The following CHN2 variants were observed in gnomAD, a reference collection of about 807,000 sequenced individuals.
The protein encoded by CHN2 is chimerin 2, also known as beta-chimaerin.
A neutral mutation model predicts 56.3 loss-of-function variants in CHN2; 35 were observed. The ratio of observed to expected loss-of-function variants is 0.62; its 90% CI spans 0.47 to 0.82. CHN2 has a LOEUF of 0.82. Among genes scored for constraint, CHN2 ranks in the 40% least tolerant of loss-of-function variants. The probability of loss-of-function intolerance (pLI) is 0.00; values close to 1 mark genes in which losing one functional copy is unlikely to be tolerated. For missense variants in CHN2, 491 were observed against 580.5 expected (o/e 0.85, Z 1.58); for synonymous variants, 210 against 212.8 (o/e 0.99, Z 0.12).
At position 29,504,809 on chromosome 7, in the gene CHN2, G is replaced by T. The variant is rs371808229; in HGVS notation, c.979G>T (p.Ala327Ser). ...FTEHIEDVKM[A>S]FDRDGEKADI... ...TGAACACATTGAAGATGTCAAAATG[G>T]CATTTGACAGAGGTAAGCTTGTACT... is the stretch of plus-strand genomic sequence containing the variant. The change falls in exon 10 of 13, where the codon GCA becomes TCA. Residue 327 changes from alanine (A) to serine (S), a missense_variant. Ala to Ser is a moderately conservative substitution (Grantham distance 99, BLOSUM62 1). Transcript: ENST00000222792. 7 of 1,611,566 alleles carry T rather than the reference G, an allele frequency of 4.3e-6. No homozygotes were observed. The African/African-American group carries it at 8.0e-5, about 18-fold the overall frequency.
intron 1 of CHN2, among the ~76,000 whole-genome samples, chr7:29,284,328 C>T (rs1331946975): frequency 6.6e-6 from 1 of 152,146 alleles, no homozygotes; most frequent in African/African-American, 2.4e-5. Context: ...CTCCTAACCT[C>T]AGGTGATCTG....
Position 29,480,179 on chromosome 7 carries a change from C to A in CHN2, c.577-100C>A, listed in dbSNP as rs899190946. The A allele has an allele frequency of 4.4e-6, 7 of 1,607,132 alleles. No homozygotes were observed. In the Admixed American group the frequency reaches 1.2e-4, roughly 27 times the overall value. On this transcript the variant is annotated intron_variant, in intron 6 of 12. Coordinates refer to ENST00000222792, the MANE Select transcript of CHN2 (RefSeq NM_004067.4). ...CTGTGGTTCGGAAGTCTAAGCAGGG[C>A]AGGAAACGCCAAGAACTGCTGGCCG...
chr7:29,250,626 G>T (rs1788418680), intron 1 of CHN2, among the ~76,000 whole-genome samples: 1 of 152,030 alleles, frequency 6.6e-6, no homozygotes, highest in Non-Finnish European at 1.5e-5. Context: ...ACCTTAAGTT[G>T]CTTCCTACTT....
chr7:29,342,202 G>T (rs906140046), intron 1 of CHN2, among the ~76,000 whole-genome samples: 10 of 152,102 alleles, frequency 6.6e-5, no homozygotes, highest in Admixed American at 1.3e-4. Flanking sequence ...ATGGATGAGG[G>T]GATGGCTGGA....
intron 2 of CHN2, among the ~76,000 whole-genome samples, chr7:29,154,038 T>C (rs1304529606): frequency 2.0e-5 from 3 of 152,218 alleles, no homozygotes; most frequent in African/African-American, 7.2e-5. Flanking sequence ...TCAAAAGTTA[T>C]ATGTGCATTT....
At chr7:29,347,110 A>AT (rs2128919086) in intron 1 of CHN2, among the ~76,000 whole-genome samples, 1 of 152,330 alleles carries the variant, frequency 6.6e-6, no homozygotes, top group South Asian at 2.1e-4. Context: ...GTCTTAAGGC[A>AT]TCAAAAATTA....
intron 2 of CHN2, among the ~76,000 whole-genome samples, chr7:29,162,242 A>G (rs1795275697): frequency 6.6e-6 from 1 of 152,336 alleles, no homozygotes; most frequent in East Asian, 1.9e-4. Context: ...ATAGCCAAAA[A>G]CCGGAAATGA....
At chr7:29,311,073 C>T (rs553480550) in intron 1 of CHN2, among the ~76,000 whole-genome samples, 1 of 152,200 alleles carries the variant, frequency 6.6e-6, no homozygotes, top group Non-Finnish European at 1.5e-5. Flanking sequence ...GATGTTTTCC[C>T]TTCCTACTGC....
chr7:29,168,269 T>C (rs550071750), intron 2 of CHN2, among the ~76,000 whole-genome samples: 6 of 152,368 alleles, frequency 3.9e-5, no homozygotes, highest in African/African-American at 1.4e-4. Flanking sequence ...CTTTCTCTTA[T>C]TGATTTCTAG....
intron 6 of CHN2, among the ~76,000 whole-genome samples, chr7:29,447,152 A>G (rs746733523): frequency 6.6e-6 from 1 of 152,220 alleles, no homozygotes; most frequent in Non-Finnish European, 1.5e-5. Context: ...TGAGGGGACT[A>G]GTCAATCCAG....
intron 6 of CHN2, among the ~76,000 whole-genome samples, chr7:29,471,289 C>A (rs79288187): frequency 6.6e-6 from 1 of 152,046 alleles, no homozygotes; most frequent in African/African-American, 2.4e-5. Flanking sequence ...TGTTGAAATG[C>A]GCGAGATCCT....
At chr7:29,461,804 C>T (rs1420127) in intron 6 of CHN2, among the ~76,000 whole-genome samples, 124,797 of 151,932 alleles carry the variant, frequency 0.82, 51,279 homozygotes, top group Non-Finnish European at 0.84. Context: ...TGTTGGTTAA[C>T]TGGTTGGTTC....
At chr7:29,492,863 C>T (rs969857476) in intron 7 of CHN2, among the ~76,000 whole-genome samples, 2 of 152,198 alleles carry the variant, frequency 1.3e-5, no homozygotes, top group Non-Finnish European at 2.9e-5. Context: ...TATCAGCATT[C>T]AACATAATTG....
intron 2 of CHN2, among the ~76,000 whole-genome samples, chr7:29,162,016 A>G (rs978813201): frequency 2.0e-4 from 30 of 152,220 alleles, no homozygotes; most frequent in African/African-American, 5.5e-4. Flanking sequence ...AAAAAATACT[A>G]ATAATACCAA....
intron 3 of CHN2, among the ~76,000 whole-genome samples, chr7:29,372,858 T>C (rs920623212): frequency 1.3e-5 from 2 of 152,230 alleles, no homozygotes; most frequent in Non-Finnish European, 2.9e-5. Context: ...GCCCTAAAAT[T>C]ACCTCAAGCC....
chr7:29,479,002 A>G (rs553888256), intron 6 of CHN2, among the ~76,000 whole-genome samples: 45 of 152,326 alleles, frequency 3.0e-4, no homozygotes, highest in African/African-American at 1.0e-3. Flanking sequence ...AGTAGAGGAC[A>G]GGACTGCCCA....
intron 1 of CHN2, among the ~76,000 whole-genome samples, chr7:29,229,928 G>A (rs1014960875): frequency 4.0e-4 from 61 of 152,014 alleles, no homozygotes; most frequent in Non-Finnish European, 1.6e-4. Context: ...AGTGAGCTGA[G>A]ATCACACCAC....
Position 29,513,051 on chromosome 7 carries a change from T to C in CHN2, c.*316T>C, listed in dbSNP as rs1303887957. 1 of 209,882 alleles carries C rather than the reference T, an allele frequency of 4.8e-6. No homozygotes were observed. Among genetic ancestry groups the C allele is most frequent in the Admixed American group, 5.5e-5 (1 of 18,282 alleles). 13.0% of individuals were successfully genotyped at this position (209,882 alleles called of 1,614,324 possible). A position where few individuals can be genotyped will look rare whatever the true frequency, so the allele number is the denominator to read the frequency against. On this transcript the variant is annotated 3_prime_UTR_variant, in exon 13 of 13. Transcript: ENST00000222792. ...TGTAGACCTTTAAACTTCAGTCTTA[T>C]TGGTAATAAAAGGGAACTTAATTCA...
At chr7:29,417,965 G>A (rs1803945205) in intron 6 of CHN2, among the ~76,000 whole-genome samples, 1 of 152,156 alleles carries the variant, frequency 6.6e-6, no homozygotes, top group South Asian at 2.1e-4. Flanking sequence ...CACATGTGAG[G>A]CTGGAGAGTC....
Sources: gnomAD v4.1 joint callset for allele counts (sites outside exome capture counted in the v4.1 genomes callset) on GRCh38, gnomAD v4.1.1 for gene constraint, MANE v1.5 for transcripts, NCBI Gene and HGNC (gene_info 2026-07-23, HGNC 2026-07-21) for gene names.